FGF13: variants seen among roughly 807,000 people sequenced by gnomAD.
FGF13 encodes fibroblast growth factor 13.
Under a neutral mutation model 19.5 loss-of-function variants are expected in FGF13, and 2 were observed. The observed-to-expected ratio is 0.10, with a 90% confidence interval of 0.04 to 0.32. The LOEUF (loss-of-function observed/expected upper bound fraction) is 0.32, where lower values mean the gene tolerates loss of function less well. FGF13 is among the 10% of genes least tolerant of loss of function. The pLI is 1.00. For missense variants in FGF13, 113 were observed against 192.7 expected (o/e 0.59, Z 2.45); for synonymous variants, 72 against 76.9 (o/e 0.94, Z 0.33).
chrX:138,691,926 G>A (rs772111654), intron 3 of FGF13, among the ~76,000 whole-genome samples: 7 of 111,862 alleles, frequency 6.3e-5, no homozygotes, highest in Admixed American at 4.7e-4. Flanking sequence ...GGGCTTGCCC[G>A]TTATTAACCT....
intron 1 of FGF13, among the ~76,000 whole-genome samples, chrX:138,913,487 A>G (rs1480702707): frequency 9.1e-6 from 1 of 109,927 alleles, no homozygotes; most frequent in East Asian, 2.9e-4. Context: ...AGAAGTCCCA[A>G]TTGTAGTTGG....
chrX:139,082,784 A>G (rs1399015810), intron 1 of FGF13, among the ~76,000 whole-genome samples: 3 of 111,555 alleles, frequency 2.7e-5, no homozygotes, highest in Non-Finnish European at 5.6e-5. Context: ...TGTTATGGCC[A>G]TCCTAGGAAA....
chrX:138,787,531 TTTTG>T (rs2124368153), intron 3 of FGF13, among the ~76,000 whole-genome samples: 1 of 111,951 alleles, frequency 8.9e-6, no homozygotes, highest in East Asian at 2.8e-4. Context: ...TCTGGCTTCT[TTTTG>T]TTTATTTGTT....
At chrX:139,092,709 A>G (rs1294617740) in intron 1 of FGF13, among the ~76,000 whole-genome samples, 1 of 112,041 alleles carries the variant, frequency 8.9e-6, no homozygotes, top group African/African-American at 3.2e-5. Flanking sequence ...GAGATCCCTG[A>G]TTAATTCTCC....
At chrX:139,152,830 ACTC>A (rs1188803454) in intron 1 of FGF13, among the ~76,000 whole-genome samples, 15 of 109,366 alleles carry the variant, frequency 1.4e-4, no homozygotes, top group African/African-American at 4.7e-4. Flanking sequence ...TGTCAGGAAT[ACTC>A]CTTCACCTGC....
chrX:139,148,241 G>A (rs1262390846), intron 1 of FGF13, among the ~76,000 whole-genome samples: 2 of 111,235 alleles, frequency 1.8e-5, no homozygotes, highest in Non-Finnish European at 3.8e-5. Context: ...CCCTCCTCCC[G>A]TGACTGCTCT....
intron 1 of FGF13, among the ~76,000 whole-genome samples, chrX:138,967,145 C>T (rs1394443461): frequency 9.3e-6 from 1 of 108,064 alleles, no homozygotes; most frequent in African/African-American, 3.4e-5. Flanking sequence ...GCTCCCTGCC[C>T]CCCAAAATTG....
chrX:138,827,136 A>G (rs2091039794), intron 3 of FGF13, among the ~76,000 whole-genome samples: 1 of 112,414 alleles, frequency 8.9e-6, no homozygotes. Context: ...TCCAAGATAG[A>G]AAAAGGCATT....
At chrX:138,748,569 A>AT (rs1281567685) in intron 3 of FGF13, among the ~76,000 whole-genome samples, 1 of 112,310 alleles carries the variant, frequency 8.9e-6, no homozygotes, top group Non-Finnish European at 1.9e-5. Flanking sequence ...AAGCCACTCA[A>AT]TCTGTGGTAT....
At chrX:139,047,240 C>T (rs941331380) in intron 1 of FGF13, among the ~76,000 whole-genome samples, 2 of 112,031 alleles carry the variant, frequency 1.8e-5, no homozygotes, top group African/African-American at 6.5e-5. Flanking sequence ...AACTATGCCA[C>T]CAACTAGCAC....
chrX:138,723,553 C>T (rs1235009376), intron 1 of FGF13, among the ~76,000 whole-genome samples: 5 of 111,280 alleles, frequency 4.5e-5, no homozygotes, highest in Admixed American at 3.8e-4. Flanking sequence ...ACTAATCTCA[C>T]CGGTTGGCGA....
chrX:139,081,706 T>C (rs1171458677), intron 1 of FGF13, among the ~76,000 whole-genome samples: 1 of 93,899 alleles, frequency 1.1e-5, no homozygotes, highest in Non-Finnish European at 2.0e-5. Context: ...CCAGAAACCT[T>C]GGAGCCATTC....
intron 3 of FGF13, among the ~76,000 whole-genome samples, chrX:138,786,246 C>A (rs2090691014): frequency 9.0e-6 from 1 of 111,670 alleles, no homozygotes; most frequent in Admixed American, 9.5e-5. Flanking sequence ...AATCCAAACT[C>A]CTTTTTCTGC....
chrX:139,114,533 G>C (rs1055423734), intron 1 of FGF13, among the ~76,000 whole-genome samples: 3 of 111,556 alleles, frequency 2.7e-5, no homozygotes, highest in Non-Finnish European at 3.8e-5. Context: ...CTTTCCTGGA[G>C]GAGATAACAC....
chrX:139,138,926 C>G (rs867453177), intron 1 of FGF13, among the ~76,000 whole-genome samples: 1 of 85,554 alleles, frequency 1.2e-5, no homozygotes, highest in Non-Finnish European at 2.3e-5. Context: ...TGTTATTTAT[C>G]TTTTTTTTTT....
intron 1 of FGF13, among the ~76,000 whole-genome samples, chrX:138,737,759 G>A (rs1305513866): frequency 8.9e-6 from 1 of 111,801 alleles, no homozygotes; most frequent in Non-Finnish European, 1.9e-5. Flanking sequence ...GCAGAGTGAT[G>A]AGTGTACTTG....
chrX:139,075,437 A>C (rs1045931419), intron 1 of FGF13, among the ~76,000 whole-genome samples: 3 of 112,066 alleles, frequency 2.7e-5, no homozygotes, highest in African/African-American at 9.7e-5. Context: ...TAATGCTTAA[A>C]ATGTCACCAT....
At chrX:138,815,541 A>C (rs2090956164) in intron 3 of FGF13, among the ~76,000 whole-genome samples, 1 of 110,764 alleles carries the variant, frequency 9.0e-6, no homozygotes, top group Non-Finnish European at 1.9e-5. Context: ...AGCCCAGTTA[A>C]ATAGAGTAGA....
intron 1 of FGF13, among the ~76,000 whole-genome samples, chrX:138,876,676 C>T (rs2091391073): frequency 8.9e-6 from 1 of 111,956 alleles, no homozygotes; most frequent in Non-Finnish European, 1.9e-5. Context: ...CAGCCGTAGG[C>T]CTTGTGAGAT....
Sources: gnomAD v4.1 joint callset for allele counts (sites outside exome capture counted in the v4.1 genomes callset) on GRCh38, gnomAD v4.1.1 for gene constraint, MANE v1.5 for transcripts, NCBI Gene and HGNC (gene_info 2026-07-23, HGNC 2026-07-21) for gene names.